Variants in PRKCA observed in about 807,000 individuals in gnomAD.
PRKCA encodes the protein protein kinase C alpha type.
Under a neutral mutation model 87.0 loss-of-function variants are expected in PRKCA, and 27 were observed. The observed-to-expected ratio is 0.31, with a 90% confidence interval of 0.23 to 0.43. The LOEUF is 0.43. Among genes scored for constraint, PRKCA ranks in the 20% least tolerant of loss-of-function variants. PRKCA has a pLI of 1.00. For synonymous variants in PRKCA, 329 were observed against 311.1 expected, an observed-to-expected ratio of 1.06 and a Z score of -0.61; for missense variants, 518 against 852.3, an observed-to-expected ratio of 0.61 and a Z score of 4.88.
At position 66,559,479 on chromosome 17, in the gene PRKCA, C is replaced by CAAAAA. The variant is rs34998780; in HGVS notation, c.288+63219_288+63223dup. 1.3e-3 allele frequency among the ~76,000 whole-genome samples: 47 copies of CAAAAA among 36,722 alleles called. 3 individuals are homozygous for CAAAAA. The highest frequency in any genetic ancestry group is 9.2e-3 in the Admixed American group (23 of 2,488). The allele number at this position is 36,722 out of a possible 152,430, so 24.1% of individuals were successfully genotyped here. ...GCAACAGAGTGAGTCTCTGTCTCAC[C>CAAAAA]AAAAAAAAAAAAAAAAAAAAAAAAA... is the stretch of plus-strand genomic sequence containing the variant. On this transcript the variant is annotated intron_variant, in intron 3 of 16. Transcript: ENST00000413366.
rs200152382 is a variant in PRKCA, at chr17:66,428,572, TGG to T, written c.206-67628_206-67627del. On this transcript the variant is annotated intron_variant, in intron 2 of 16. Coordinates refer to ENST00000413366, the MANE Select transcript of PRKCA (RefSeq NM_002737.3). ...AGGCTAGAGTGCAGTGGCACAATCT[TGG>T]CTCACTGCAACCTTCACCTCCTGGG... is the stretch of plus-strand genomic sequence containing the variant. Among the ~76,000 whole-genome samples the T allele has an allele frequency of 9.4e-3, 1,433 of 151,990 alleles. 27 individuals are homozygous for T. Among genetic ancestry groups the T allele is most frequent in the African/African-American group, 0.033 (1,373 of 41,448 alleles).
intron 2 of PRKCA, among the ~76,000 whole-genome samples, chr17:66,394,623 T>C (rs1259546978): frequency 6.6e-6 from 1 of 152,194 alleles, no homozygotes; most frequent in African/African-American, 2.4e-5. Flanking sequence ...GTAAACCCCA[T>C]GATATATTTA....
chr17:66,773,901 T>C, intron 13 of PRKCA, 86 bp from the exon 14 acceptor site: 2 of 1,589,584 alleles, frequency 1.3e-6, no homozygotes, highest in Non-Finnish European at 1.7e-6. Context: ...ACTGAGTGTA[T>C]AAATGCCTAC....
chr17:66,430,821 G>A (rs1321508610), intron 2 of PRKCA, among the ~76,000 whole-genome samples: 1 of 152,114 alleles, frequency 6.6e-6, no homozygotes, highest in Non-Finnish European at 1.5e-5. Context: ...AGTTGAAGAC[G>A]GCTGTTTTAG....
intron 2 of PRKCA, among the ~76,000 whole-genome samples, chr17:66,323,562 T>C (rs1199808318): frequency 2.0e-5 from 3 of 152,242 alleles, no homozygotes; most frequent in Non-Finnish European, 1.5e-5. Flanking sequence ...ATATGTTCAT[T>C]GGACCTCTAT....
chr17:66,611,530 T>C (rs1453259294), intron 3 of PRKCA, among the ~76,000 whole-genome samples: 1 of 152,250 alleles, frequency 6.6e-6, no homozygotes, highest in African/African-American at 2.4e-5. Flanking sequence ...ATTGTTTTAA[T>C]GGCCTAATAA....
At chr17:66,699,862 C>T (rs1262650695) in intron 8 of PRKCA, among the ~76,000 whole-genome samples, 3 of 152,252 alleles carry the variant, frequency 2.0e-5, no homozygotes, top group Non-Finnish European at 4.4e-5. Context: ...CCACTGTGCC[C>T]AGACTCTACC....
At chr17:66,371,996 T>A (rs1379948987) in intron 2 of PRKCA, among the ~76,000 whole-genome samples, 1 of 152,210 alleles carries the variant, frequency 6.6e-6, no homozygotes, top group African/African-American at 2.4e-5. Context: ...GGTCTGAAGT[T>A]GAAAAGATTT....
intron 2 of PRKCA, among the ~76,000 whole-genome samples, chr17:66,457,109 C>T (rs973701089): frequency 1.2e-4 from 18 of 152,076 alleles, no homozygotes; most frequent in African/African-American, 4.1e-4. Context: ...CATGCCAGAG[C>T]GATTTAATAT....
intron 2 of PRKCA, among the ~76,000 whole-genome samples, chr17:66,479,789 G>T (rs1292296283): frequency 6.6e-6 from 1 of 152,132 alleles, no homozygotes; most frequent in Non-Finnish European, 1.5e-5. Context: ...TCACTTATAA[G>T]TGACAGCTAA....
intron 3 of PRKCA, among the ~76,000 whole-genome samples, chr17:66,623,575 C>T (rs1251875163): frequency 6.6e-6 from 1 of 152,156 alleles, no homozygotes; most frequent in African/African-American, 2.4e-5. Flanking sequence ...TCACAAAGAA[C>T]CTGCTTGATG....
At chr17:66,592,568 A>G (rs1969842906) in intron 3 of PRKCA, among the ~76,000 whole-genome samples, 1 of 152,156 alleles carries the variant, frequency 6.6e-6, no homozygotes, top group African/African-American at 2.4e-5. Context: ...GTACACAAAG[A>G]AAAGGAGATA....
intron 3 of PRKCA, among the ~76,000 whole-genome samples, chr17:66,589,603 G>A (rs1969732402): frequency 6.6e-6 from 1 of 152,200 alleles, no homozygotes; most frequent in Admixed American, 6.5e-5. Context: ...TGGAATTGCA[G>A]GGTGAAAGTT....
intron 2 of PRKCA, among the ~76,000 whole-genome samples, chr17:66,431,184 C>T (rs968889481): frequency 3.3e-5 from 5 of 152,190 alleles, no homozygotes; most frequent in African/African-American, 1.2e-4. Context: ...GGAAGAATAA[C>T]AATGTATTTG....
Position 66,689,173 on chromosome 17 carries a change from T to C in PRKCA, c.918+126T>C. ...GTAATCTCAATGTTAATGATCTTTT[T>C]CTTTATTTAAAAACATGAATGTTGT... On this transcript the variant is annotated intron_variant, in intron 8 of 16. Transcript: ENST00000413366. The surrounding 1 kb of genome is among the most constrained non-coding windows in gnomAD (Gnocchi z 4.1). 3.4e-6 allele frequency: 2 copies of C among 588,672 alleles called. No individual in the cohort carries two copies. Among genetic ancestry groups the C allele is most frequent in the South Asian group, 2.5e-5 (1 of 40,404 alleles). The allele number at this position is 588,672 out of a possible 1,614,324, so 36.5% of individuals were successfully genotyped here. A position where few individuals can be genotyped will look rare whatever the true frequency, so the allele number is the denominator to read the frequency against.
chr17:66,786,089 A>C (rs979455285), intron 14 of PRKCA, among the ~76,000 whole-genome samples: 35 of 152,270 alleles, frequency 2.3e-4, no homozygotes, highest in African/African-American at 6.5e-4. Flanking sequence ...CGGCCTCCCA[A>C]AGTGCTGGGA....
At chr17:66,650,957 G>A (rs558847588) in intron 5 of PRKCA, among the ~76,000 whole-genome samples, 2 of 152,154 alleles carry the variant, frequency 1.3e-5, no homozygotes, top group Non-Finnish European at 2.9e-5. Context: ...GACCTAGACC[G>A]TGTCACAGAC....
intron 3 of PRKCA, among the ~76,000 whole-genome samples, chr17:66,522,298 G>A (rs1967187181): frequency 6.6e-6 from 1 of 152,198 alleles, no homozygotes; most frequent in African/African-American, 2.4e-5. Flanking sequence ...GTTTTATAAT[G>A]CCCACTTTTT....
At chr17:66,744,986 A>C (rs1050123495) in intron 13 of PRKCA, among the ~76,000 whole-genome samples, 3 of 152,158 alleles carry the variant, frequency 2.0e-5, no homozygotes, top group African/African-American at 7.2e-5. Context: ...CTTCTCCTAC[A>C]AGGATCTTTG....
Sources: allele counts gnomAD v4.1 joint callset (sites outside exome capture counted in the v4.1 genomes callset), GRCh38; gene constraint gnomAD v4.1.1; non-coding constraint Gnocchi (gnomAD v3.1); transcripts MANE v1.5; gene names NCBI Gene and HGNC (gene_info 2026-07-23, HGNC 2026-07-21).